The following NBPF15 variants were observed in gnomAD, a reference collection of about 807,000 sequenced individuals.
NBPF15 encodes the protein NBPF family member NBPF15.
Under a neutral mutation model 62.2 loss-of-function variants are expected in NBPF15, and 74 were observed. The observed-to-expected ratio is 1.19, with a 90% CI of 0.99 to 1.44. NBPF15 has a LOEUF of 1.44. Ranked by LOEUF, NBPF15 falls within the 40% of genes most tolerant of loss-of-function variation. NBPF15 has a pLI of 0.00. For synonymous variants in NBPF15, 244 were observed against 209.7 expected (o/e 1.16, Z -1.41); for missense variants, 790 against 550.0 (o/e 1.44, Z -4.36).
At chr1:144,427,493 T>C (rs1670595751) in intron 16 of NBPF15, among the ~76,000 whole-genome samples, 1 of 148,802 alleles carries the variant, frequency 6.7e-6, no homozygotes, top group Non-Finnish European at 1.5e-5. Flanking sequence ...GAAATTAGAG[T>C]GAAGGATGAA....
chr1:144,428,290 C>T (rs1174271943), intron 15 of NBPF15, among the ~76,000 whole-genome samples: 1 of 151,842 alleles, frequency 6.6e-6, no homozygotes, highest in African/African-American at 2.4e-5. Context: ...GCTCTCAGGA[C>T]ACACAGTGAA....
intron 12 of NBPF15, among the ~76,000 whole-genome samples, 174 bp downstream of exon 12, chr1:144,434,937 C>A (rs1205895792): frequency 3.3e-5 from 5 of 151,958 alleles, no homozygotes; most frequent in Non-Finnish European, 7.4e-5. Flanking sequence ...ATACTGGGGA[C>A]TGGCAGACAA....
intron 20 of NBPF15, 23 bp from the exon 21 acceptor site, chr1:144,423,998 C>G: frequency 1.3e-6 from 1 of 763,936 alleles, no homozygotes; most frequent in Non-Finnish European, 2.4e-6. Context: ...CAGACATGGA[C>G]AGACACATTA....
chr1:144,441,671 T>C (rs1170196779), intron 6 of NBPF15, among the ~76,000 whole-genome samples: 2 of 150,288 alleles, frequency 1.3e-5, no homozygotes, highest in African/African-American at 4.9e-5. Flanking sequence ...TTGTGGTGAG[T>C]GCTACAGTAT....
At chr1:144,425,079 C>G (rs1553539025) in intron 19 of NBPF15, among the ~76,000 whole-genome samples, 14 of 145,630 alleles carry the variant, frequency 9.6e-5, no homozygotes, top group South Asian at 9.3e-4. Context: ...CACACACACA[C>G]ACACACACAC....
chr1:144,450,395 T>G (rs1461235044), intron 5 of NBPF15, among the ~76,000 whole-genome samples: 18 of 151,604 alleles, frequency 1.2e-4, no homozygotes, highest in African/African-American at 4.1e-4. Flanking sequence ...GCCTCTGGAG[T>G]CAGAGTGTCT....
rs529084985 is a variant in NBPF15 at position 144,422,812 on chromosome 1, C to A, written c.*201G>T. On this transcript the variant is annotated 3_prime_UTR_variant, in exon 22 of 22. Coordinates refer to ENST00000581897, the MANE Select transcript of NBPF15 (RefSeq NM_001385408.1). The stretch of plus-strand genomic sequence containing the variant: ...GGCATGTTCTGCACAGTTATGTGAA[C>A]GTGTCACACCTAACATGGGTCCATT... 4.6e-6 allele frequency: 6 copies of A among 1,312,632 alleles called. No individual in the cohort carries two copies. Among genetic ancestry groups the A allele is most frequent in the Admixed American group, 2.2e-5 (1 of 44,670 alleles). 81.3% of individuals were successfully genotyped at this position (1,312,632 alleles called of 1,614,324 possible). A position where few individuals can be genotyped will look rare whatever the true frequency, so the allele number is the denominator to read the frequency against.
chr1:144,434,176 T>TA (rs1571124487), intron 12 of NBPF15, among the ~76,000 whole-genome samples: 2 of 150,578 alleles, frequency 1.3e-5, no homozygotes, highest in East Asian at 3.9e-4. Flanking sequence ...ACATGGACAT[T>TA]AAATGTTTAG....
intron 16 of NBPF15, among the ~76,000 whole-genome samples, chr1:144,427,428 AG>A (rs1670546992): frequency 6.8e-6 from 1 of 147,948 alleles, no homozygotes; most frequent in Non-Finnish European, 1.5e-5. Context: ...TGCACTATTC[AG>A]CCCTGTCTCA....
At chr1:144,439,200 T>C (rs1681009881) in intron 8 of NBPF15, among the ~76,000 whole-genome samples, 1 of 151,680 alleles carries the variant, frequency 6.6e-6, no homozygotes, top group African/African-American at 2.4e-5. Flanking sequence ...CCCAGGCTGG[T>C]CTCAAACTCC....
chr1:144,461,197 C>T (rs759153906), intron 1 of NBPF15, among the ~76,000 whole-genome samples, 184 bp downstream of exon 1: 4 of 152,048 alleles, frequency 2.6e-5, no homozygotes, highest in Non-Finnish European at 4.4e-5. Context: ...TCTTCCCCAG[C>T]GCCCAAGGAG....
intron 13 of NBPF15, among the ~76,000 whole-genome samples, chr1:144,433,448 A>G (rs2101946895): frequency 6.6e-6 from 1 of 150,464 alleles, no homozygotes; most frequent in Admixed American, 6.6e-5. Flanking sequence ...AGTAACTAAG[A>G]TCAGAGCAGA....
At chr1:144,459,158 C>T (rs587732499) in intron 3 of NBPF15, among the ~76,000 whole-genome samples, 17 of 152,048 alleles carry the variant, frequency 1.1e-4, no homozygotes, top group South Asian at 6.2e-4. Flanking sequence ...AAGCACTAAC[C>T]ATAAAGGAAA....
chr1:144,433,065 C>T (rs1426573539), intron 13 of NBPF15, among the ~76,000 whole-genome samples: 58 of 151,898 alleles, frequency 3.8e-4, no homozygotes, highest in African/African-American at 1.4e-3. Context: ...GTAAAGCACT[C>T]GTCAGCAAAT....
chr1:144,461,027 C>G (rs1460784028), intron 1 of NBPF15, 66 bp from the exon 2 acceptor site: 1 of 150,800 alleles, frequency 6.6e-6, no homozygotes, highest in African/African-American at 2.4e-5. Flanking sequence ...AAGTCAGGGG[C>G]GCGAGTGGTC....
intron 19 of NBPF15, among the ~76,000 whole-genome samples, 195 bp from the exon 20 acceptor site, chr1:144,425,057 TAG>T (rs1558597298): frequency 3.0e-5 from 2 of 66,820 alleles, no homozygotes; most frequent in East Asian, 4.7e-4. Context: ...GAAAGACAGA[TAG>T]ACACACACAC....
chr1:144,427,924 A>G lies in NBPF15; in HGVS notation c.1107T>C (p.Tyr369=). The G allele has an allele frequency of 1.3e-6, 1 of 745,954 alleles. No individual in the cohort carries two copies. The highest frequency in any genetic ancestry group is 2.5e-6 in the Non-Finnish European group (1 of 404,306). The allele number at this position is 745,954 out of a possible 1,614,324, so 46.2% of individuals were successfully genotyped here. Residue 369 remains tyrosine (Y), a synonymous_variant, in exon 16 of 22, where the codon TAT becomes TAC. Coordinates refer to ENST00000581897, the MANE Select transcript of NBPF15 (RefSeq NM_001385408.1). ...EVLQDSLDRC[Y]STPSGCLELT... ...GTTCAAGACAACCTGAAGGAGTTGAATAACATCTATCCAGTGAGTCCTGCA... is the reference window on the plus strand; with the variant it reads ...GTTCAAGACAACCTGAAGGAGTTGAGTAACATCTATCCAGTGAGTCCTGCA...
At chr1:144,453,533 G>C (rs1692500411) in intron 4 of NBPF15, among the ~76,000 whole-genome samples, 1 of 149,398 alleles carries the variant, frequency 6.7e-6, no homozygotes, top group Admixed American at 6.8e-5. Context: ...TTAAGAGAAT[G>C]GAAAAAGCAA....
chr1:144,432,172 A>G (rs1252396110), intron 13 of NBPF15, among the ~76,000 whole-genome samples: 3 of 152,074 alleles, frequency 2.0e-5, no homozygotes, highest in Non-Finnish European at 4.4e-5. Flanking sequence ...CTTAAAGAAA[A>G]GAATTTTCAA....
Sources: allele counts gnomAD v4.1 joint callset (sites outside exome capture counted in the v4.1 genomes callset), GRCh38; gene constraint gnomAD v4.1.1; transcripts MANE v1.5; gene names NCBI Gene and HGNC (gene_info 2026-07-23, HGNC 2026-07-21).